The following MAP2 variants were observed in gnomAD, a reference collection of about 807,000 sequenced individuals.
MAP2 encodes microtubule-associated protein 2.
In MAP2, 14 loss-of-function variants were observed where a neutral mutation model predicts 137.6. The observed-to-expected ratio is 0.10, with a 90% CI of 0.07 to 0.16. The LOEUF is 0.16. Among genes scored for constraint, MAP2 ranks in the 10% least tolerant of loss-of-function variants. The pLI, the probability that MAP2 is intolerant of heterozygous loss-of-function variation, is 1.00. For missense variants in MAP2, 2,088 were observed against 2,191.5 expected (o/e 0.95, Z 0.94); for synonymous variants, 786 against 782.3 (o/e 1.00, Z -0.08).
At chr2:209,434,309 A>G (rs910795551) in intron 1 of MAP2, among the ~76,000 whole-genome samples, 3 of 151,806 alleles carry the variant, frequency 2.0e-5, no homozygotes, top group African/African-American at 7.3e-5. Flanking sequence ...AATAAACAAA[A>G]TTATTATTTT....
chr2:209,435,456 G>A (rs1022713331), intron 1 of MAP2, among the ~76,000 whole-genome samples: 1 of 151,688 alleles, frequency 6.6e-6, no homozygotes, highest in African/African-American at 2.4e-5. Context: ...AAGGCACTGA[G>A]GTGACAGTGA....
At chr2:209,492,139 A>G (rs2059189387) in intron 1 of MAP2, among the ~76,000 whole-genome samples, 2 of 146,684 alleles carry the variant, frequency 1.4e-5, no homozygotes, top group South Asian at 2.3e-4. Context: ...CTGGTTCAAC[A>G]TATGCAAATC....
chr2:209,434,899 TA>T (rs1243618962), intron 1 of MAP2, among the ~76,000 whole-genome samples: 1,457 of 136,334 alleles, frequency 0.011, 53 homozygotes, highest in Non-Finnish European at 0.017. Flanking sequence ...ATATATGTTA[TA>T]TATATATGTT....
intron 1 of MAP2, among the ~76,000 whole-genome samples, chr2:209,439,895 A>G (rs1697329082): frequency 6.6e-6 from 1 of 151,506 alleles, no homozygotes; most frequent in Admixed American, 6.6e-5. Flanking sequence ...ATAAAATAAC[A>G]TCTTACTGAC....
intron 5 of MAP2, among the ~76,000 whole-genome samples, chr2:209,656,122 C>A (rs1437839379): frequency 6.6e-6 from 1 of 152,002 alleles, no homozygotes; most frequent in Non-Finnish European, 1.5e-5. Flanking sequence ...TTATTATGGG[C>A]AATAATAATT....
At chr2:209,651,652 A>G (rs1054568477) in intron 4 of MAP2, among the ~76,000 whole-genome samples, 5 of 152,184 alleles carry the variant, frequency 3.3e-5, no homozygotes, top group African/African-American at 7.2e-5. Flanking sequence ...AAGCCCTTCA[A>G]TCAATGTTTT....
chr2:209,646,012 C>T (rs1302445437), intron 4 of MAP2, among the ~76,000 whole-genome samples: 1 of 151,994 alleles, frequency 6.6e-6, no homozygotes, highest in African/African-American at 2.4e-5. Flanking sequence ...ATGGCAAAAC[C>T]TTGACTCTCT....
intron 1 of MAP2, among the ~76,000 whole-genome samples, chr2:209,495,460 C>A (rs2059636900): frequency 1.3e-5 from 2 of 152,226 alleles, no homozygotes; most frequent in South Asian, 4.1e-4. Context: ...TGGTGGGTGT[C>A]CCTCTGGGAC....
chr2:209,677,619 C>G (rs578168222), intron 5 of MAP2, among the ~76,000 whole-genome samples: 1 of 152,048 alleles, frequency 6.6e-6, no homozygotes, highest in South Asian at 2.1e-4. Context: ...CATTCACTCA[C>G]GACTGTTAGA....
chr2:209,467,097 A>G (rs895069985), intron 1 of MAP2, among the ~76,000 whole-genome samples: 1 of 152,282 alleles, frequency 6.6e-6, no homozygotes, highest in African/African-American at 2.4e-5. Flanking sequence ...CCCAGACTCT[A>G]ATTGACAGAG....
chr2:209,725,225 A>G (rs1258609570), intron 13 of MAP2, among the ~76,000 whole-genome samples: 1 of 152,248 alleles, frequency 6.6e-6, no homozygotes, highest in African/African-American at 2.4e-5. Flanking sequence ...TCTAGCTAAG[A>G]TATGACAATG....
intron 2 of MAP2, among the ~76,000 whole-genome samples, chr2:209,556,134 G>C (rs528770368): frequency 1.4e-5 from 2 of 147,980 alleles, no homozygotes; most frequent in African/African-American, 5.0e-5. Context: ...TCCAACTCCC[G>C]GGCTCAAGTG....
At chr2:209,548,509 T>C (rs2068524921) in intron 2 of MAP2, among the ~76,000 whole-genome samples, 1 of 152,220 alleles carries the variant, frequency 6.6e-6, no homozygotes, top group African/African-American at 2.4e-5. Flanking sequence ...TTTTCAGATG[T>C]CATAGAAATG....
At chr2:209,493,050 C>T (rs1246843914) in intron 1 of MAP2, among the ~76,000 whole-genome samples, 1 of 152,122 alleles carries the variant, frequency 6.6e-6, no homozygotes, top group Admixed American at 6.5e-5. Flanking sequence ...CTACATTAAC[C>T]AAAATGTTAT....
At position 209,710,007 on chromosome 2, in the gene MAP2, A is replaced by G; in HGVS notation, c.4826A>G (p.Tyr1609Cys). ...TAITPGTPPS[Y>C]SSRTPGTPGT... The stretch of plus-strand genomic sequence containing the variant: ...ATCACTCCTGGCACCCCACCAAGTT[A>G]TTCTTCACGCACACCAGGCACTCCT... The change falls in exon 13 of 16, where the codon TAT (tyrosine) becomes TGT (cysteine). Residue 1609 changes from tyrosine (Y) to cysteine (C), a missense_variant. By Grantham distance (194) the Tyr-to-Cys change is radical. This residue lies in a region of MAP2 where 591 missense variants were observed against 642.6 expected (regional missense o/e 0.92). Coordinates refer to ENST00000682079, the MANE Select transcript of MAP2 (RefSeq NM_001375505.1). 6.2e-7 allele frequency: 1 copy of G among 1,613,946 alleles called. No homozygotes were observed.
intron 2 of MAP2, among the ~76,000 whole-genome samples, chr2:209,545,390 A>G (rs1328491063): frequency 6.6e-6 from 1 of 152,230 alleles, no homozygotes; most frequent in Non-Finnish European, 1.5e-5. Flanking sequence ...AGTAAAATTC[A>G]ATAATTTTTA....
At chr2:209,577,469 A>T (rs879515845) in intron 2 of MAP2, among the ~76,000 whole-genome samples, 9 of 152,188 alleles carry the variant, frequency 5.9e-5, no homozygotes, top group Non-Finnish European at 1.3e-4. Context: ...ATATTGAAAG[A>T]ACAGTTTGGA....
intron 13 of MAP2, chr2:209,710,768 A>T (rs2065172836): frequency 6.4e-6 from 1 of 156,608 alleles, no homozygotes; most frequent in African/African-American, 2.4e-5. Flanking sequence ...TGCAAAGGGG[A>T]GGTATTCGTG....
At chr2:209,724,730 C>T (rs546301963) in intron 13 of MAP2, among the ~76,000 whole-genome samples, 91 of 152,290 alleles carry the variant, frequency 6.0e-4, no homozygotes, top group African/African-American at 2.1e-3. Flanking sequence ...GTATGCTAGG[C>T]TAAGCCTCAG....
Sources: allele counts gnomAD v4.1 joint callset (sites outside exome capture counted in the v4.1 genomes callset), GRCh38; gene constraint gnomAD v4.1.1; regional missense constraint gnomAD v4.1.1; transcripts MANE v1.5; gene names NCBI Gene and HGNC (gene_info 2026-07-23, HGNC 2026-07-21).